ZNF432: variants seen among roughly 807,000 people sequenced by gnomAD.
The protein encoded by ZNF432 is zinc finger protein 432.
In ZNF432, 10 loss-of-function variants were observed where a neutral mutation model predicts 13.9. The observed-to-expected ratio is 0.72, with a 90% CI of 0.44 to 1.22. ZNF432 has a LOEUF of 1.22. Ranked by LOEUF, ZNF432 falls within the 50% of genes most tolerant of loss-of-function variation. ZNF432 has a pLI of 0.00. For synonymous variants in ZNF432, 247 were observed against 256.2 expected (o/e 0.96, Z 0.34); for missense variants, 793 against 796.2 (o/e 1.00, Z 0.05).
At chr19:52,042,616 C>T (rs903921706) in intron 2 of ZNF432, among the ~76,000 whole-genome samples, 1 of 152,058 alleles carries the variant, frequency 6.6e-6, no homozygotes, top group Non-Finnish European at 1.5e-5. Flanking sequence ...GGAGACTTTA[C>T]TAAATATGGA....
At position 52,041,487 on chromosome 19, in the gene ZNF432, T is replaced by C. The variant is rs1449136417; in HGVS notation, c.135A>G (p.Leu45=). 13 of 1,603,494 alleles carry C rather than the reference T, an allele frequency of 8.1e-6. No homozygotes were observed. The East Asian group carries it at 8.9e-5, about 11-fold the overall frequency. ...DVMLEIYSNL[L]SMGYQVSKPD... ...CAGAGCAGCTGTCCTCACCCATTGA[T>C]AGCAGGTTGCTGTAGATCTCCAACA... The change falls in exon 3 of 5, where the codon CTA becomes CTG. Residue 45 remains leucine, a synonymous_variant. Coordinates refer to ENST00000221315, the MANE Select transcript of ZNF432 (RefSeq NM_014650.4).
At position 52,035,449 on chromosome 19, in the gene ZNF432, G is replaced by C; in HGVS notation, c.239-9C>G. ...ATCAACTTCGTTGTTTTCTAGGAAA[G>C]AAGAGAACAATGAATCCTTTTATAA... On this transcript the variant is annotated splice_polypyrimidine_tract_variant and intron_variant, in intron 4 of 4. Transcript: ENST00000221315. 1 of 1,523,008 alleles carries C rather than the reference G, an allele frequency of 6.6e-7. No individual in the cohort carries two copies. The highest frequency in any genetic ancestry group is 1.3e-5 in the South Asian group (1 of 75,412). 94.3% of individuals were successfully genotyped at this position (1,523,008 alleles called of 1,614,324 possible).
chr19:52,041,296 A>G (rs764681100), intron 3 of ZNF432, among the ~76,000 whole-genome samples, 184 bp downstream of exon 3: 1 of 152,116 alleles, frequency 6.6e-6, no homozygotes, highest in Non-Finnish European at 1.5e-5. Flanking sequence ...ATATCCATGG[A>G]AAGTTGTGAA....
chr19:52,047,882 AG>A (rs1038697514), intron 1 of ZNF432, among the ~76,000 whole-genome samples: 7 of 152,132 alleles, frequency 4.6e-5, no homozygotes, highest in Non-Finnish European at 7.4e-5. Context: ...CATTTGCAAG[AG>A]GAAGGATAAA....
chr19:52,041,057 C>A (rs1009249499), intron 3 of ZNF432, among the ~76,000 whole-genome samples: 13 of 152,016 alleles, frequency 8.6e-5, no homozygotes, highest in African/African-American at 3.1e-4. Flanking sequence ...GCCATGAAGG[C>A]ACCACTACAT....
chr19:52,033,915 C>T lies in ZNF432; in HGVS notation c.1764G>A (p.Lys588=), dbSNP rs993561976. ...AAGGTTTTTCTCCAGTATGAACTTG[C>T]TTATGTAAAGCAAGCTCTGTTTCCT... The part of the protein sequence containing the change: ...FAKETELALH[K]QVHTGEKPYG... Residue 588 remains lysine (K), a synonymous_variant, in exon 5 of 5, where the codon AAG becomes AAA. Transcript: ENST00000221315. 4 of 1,613,878 alleles carry T rather than the reference C, an allele frequency of 2.5e-6. No homozygotes were observed. The highest frequency in any genetic ancestry group is 1.7e-6 in the Non-Finnish European group (2 of 1,179,902).
chr19:52,040,394 TA>T, intron 4 of ZNF432, 93 bp downstream of exon 4: 1 of 1,084,982 alleles, frequency 9.2e-7, no homozygotes. Context: ...TTCCCATTCC[TA>T]ATGTAGGCAC....
intron 4 of ZNF432, among the ~76,000 whole-genome samples, chr19:52,039,934 A>T (rs1242829107): frequency 6.6e-6 from 1 of 151,988 alleles, no homozygotes; most frequent in Non-Finnish European, 1.5e-5. Context: ...TACTTTGAAA[A>T]TCTTCCAAAA....
chr19:52,047,962 G>T (rs1341998455), intron 1 of ZNF432, among the ~76,000 whole-genome samples: 1 of 151,698 alleles, frequency 6.6e-6, no homozygotes, highest in Non-Finnish European at 1.5e-5. Context: ...CTATTCATCC[G>T]CCCCCCTTCA....
At chr19:52,044,009 A>C (rs1332763206) in intron 2 of ZNF432, among the ~76,000 whole-genome samples, 3 of 151,804 alleles carry the variant, frequency 2.0e-5, no homozygotes, top group Admixed American at 2.0e-4. Context: ...TTCTTTCTCT[A>C]TACTTTGTCT....
Position 52,035,302 on chromosome 19 carries a change from T to C in ZNF432, c.377A>G (p.Asn126Ser), listed in dbSNP as rs1480747641. The C allele has an allele frequency of 6.2e-7, 1 of 1,611,654 alleles. No individual in the cohort carries two copies. The highest frequency in any genetic ancestry group is 1.7e-5 in the Admixed American group (1 of 59,498). The change falls in exon 5 of 5, where the codon AAT (asparagine) becomes AGT (serine). Residue 126 changes from asparagine to serine, a missense_variant. Coordinates refer to ENST00000221315, the MANE Select transcript of ZNF432 (RefSeq NM_014650.4). Reference sequence around the variant, plus strand: ...TATATATAACTCAAATGTATCATGATTTTCCCTGAAAAGACAAAGGCTTTT... The same window carrying C: ...TATATATAACTCAAATGTATCATGACTTTCCCTGAAAAGACAAAGGCTTTT... ...QTKSLCLFRE[N>S]HDTFELYIKT...
intron 2 of ZNF432, among the ~76,000 whole-genome samples, chr19:52,043,082 T>C (rs990218100): frequency 6.6e-5 from 10 of 152,168 alleles, no homozygotes; most frequent in Non-Finnish European, 1.0e-4. Flanking sequence ...ACATGACTTA[T>C]AATCACATGG....
At position 52,034,385 on chromosome 19, in the gene ZNF432, T is replaced by G. The variant is rs368270185; in HGVS notation, c.1294A>C (p.Ser432Arg). 5 of 1,613,948 alleles carry G rather than the reference T, an allele frequency of 3.1e-6. No individual in the cohort carries two copies. The highest frequency in any genetic ancestry group is 4.2e-6 in the Non-Finnish European group (5 of 1,180,006). ...NHTVEKSYLC[S>R]ECGKGFTVKS... ...ACAGTAAAACCTTTTCCACATTCAC[T>G]ACATAGATATGACTTCTCTACTGTA... The change falls in exon 5 of 5, where the codon AGT (serine) becomes CGT (arginine). Residue 432 changes from serine (S) to arginine (R), a missense_variant. Ser to Arg is a moderately radical substitution (Grantham distance 110). Coordinates refer to ENST00000221315, the MANE Select transcript of ZNF432 (RefSeq NM_014650.4).
chr19:52,046,007 C>CAAAAAAAAAAAAAAAAAAAAA (rs201110474), intron 2 of ZNF432, among the ~76,000 whole-genome samples: 1 of 87,056 alleles, frequency 1.1e-5, no homozygotes, highest in Non-Finnish European at 2.4e-5. Context: ...AAACAAAAAC[C>CAAAAAAAAAAAAAAAAAAAAA]AAAAAAAAAA....
At chr19:52,037,960 T>G (rs1451389512) in intron 4 of ZNF432, among the ~76,000 whole-genome samples, 2 of 152,202 alleles carry the variant, frequency 1.3e-5, no homozygotes, top group Non-Finnish European at 2.9e-5. Flanking sequence ...GGTTGTGGCA[T>G]CTTCACCTTC....
intron 2 of ZNF432, among the ~76,000 whole-genome samples, chr19:52,045,352 C>CTTTT (rs11433756): frequency 1.9e-5 from 2 of 107,536 alleles, no homozygotes; most frequent in East Asian, 3.0e-4. Flanking sequence ...CTTTTTTTAC[C>CTTTT]TTTTTTTTTT....
intron 2 of ZNF432, among the ~76,000 whole-genome samples, chr19:52,044,827 T>A (rs1480897338): frequency 2.0e-5 from 3 of 152,202 alleles, no homozygotes. Flanking sequence ...TGTATGACTT[T>A]AGACAAATGG....
In ZNF432 at chr19:52,034,121, T is replaced by C; in HGVS notation, c.1558A>G (p.Lys520Glu). 1 of 1,614,148 alleles carries C rather than the reference T, an allele frequency of 6.2e-7. No individual in the cohort carries two copies. Among genetic ancestry groups the C allele is most frequent in the Non-Finnish European group, 8.5e-7 (1 of 1,179,986 alleles). ...EKPYICNECG[K>E]GFAFKSNLVV... ...AGATTGCTCTTAAAGGCAAAACCTT[T>C]TCCACATTCATTGCATATGTACGGT... Residue 520 changes from lysine (K) to glutamate (E), a missense_variant, in exon 5 of 5, where the codon AAA (lysine) becomes GAA (glutamate). Physicochemically the swap from Lys to Glu is moderately conservative, Grantham distance 56. Transcript: ENST00000221315.
At chr19:52,038,413 C>T (rs2087104687) in intron 4 of ZNF432, among the ~76,000 whole-genome samples, 1 of 152,208 alleles carries the variant, frequency 6.6e-6, no homozygotes, top group East Asian at 1.9e-4. Flanking sequence ...CCTCAGCCTT[C>T]CTGAGTAGCT....
Sources: gnomAD v4.1 joint callset for allele counts (sites outside exome capture counted in the v4.1 genomes callset) on GRCh38, gnomAD v4.1.1 for gene constraint, MANE v1.5 for transcripts, NCBI Gene and HGNC (gene_info 2026-07-23, HGNC 2026-07-21) for gene names.